Variants in FLT1 observed in about 807,000 individuals in gnomAD.
FLT1 encodes the protein fms related receptor tyrosine kinase 1.
Under a neutral mutation model 156.3 loss-of-function variants are expected in FLT1, and 49 were observed. The ratio of observed to expected loss-of-function variants is 0.31; its 90% CI spans 0.25 to 0.40. FLT1 has a LOEUF of 0.40. Among genes scored for constraint, FLT1 ranks in the 10% least tolerant of loss-of-function variants. The pLI, the probability that FLT1 is intolerant of heterozygous loss-of-function variation, is 1.00. For synonymous variants in FLT1, 594 were observed against 583.8 expected (o/e 1.02, Z -0.25); for missense variants, 1,322 against 1,637.2 (o/e 0.81, Z 3.32).
chr13:28,368,800 G>T, intron 14 of FLT1: 1 of 565,374 alleles, frequency 1.8e-6, no homozygotes, highest in Non-Finnish European at 3.1e-6. Context: ...CACCTTCCGG[G>T]TTCAAGCGAT....
chr13:28,380,219 T>C (rs1874017861), intron 14 of FLT1, among the ~76,000 whole-genome samples: 4 of 152,336 alleles, frequency 2.6e-5, no homozygotes, highest in Non-Finnish European at 5.9e-5. Flanking sequence ...TCCATTTCAG[T>C]TTTGCAACAA....
At chr13:28,313,888 T>TAA (rs779467248) in intron 25 of FLT1, among the ~76,000 whole-genome samples, 1 of 70,600 alleles carries the variant, frequency 1.4e-5, no homozygotes, top group African/African-American at 3.3e-5. Flanking sequence ...TACAGGGAGG[T>TAA]AAAAAAAAAA....
At chr13:28,306,799 C>A in intron 28 of FLT1, 27 bp from the exon 29 acceptor site, 2 of 1,524,386 alleles carry the variant, frequency 1.3e-6, no homozygotes, top group Non-Finnish European at 1.8e-6. Flanking sequence ...AAAGGTTATA[C>A]TCTTGCCTGG....
chr13:28,307,955 G>A (rs1870822539), intron 28 of FLT1, among the ~76,000 whole-genome samples: 1 of 152,170 alleles, frequency 6.6e-6, no homozygotes, highest in Admixed American at 6.5e-5. Context: ...TGTGTTTTTA[G>A]TAGAGACTGG....
intron 15 of FLT1, among the ~76,000 whole-genome samples, chr13:28,347,349 C>G (rs567789074): frequency 6.5e-4 from 98 of 150,960 alleles, no homozygotes; most frequent in Admixed American, 6.1e-3. Flanking sequence ...ATGGTAAAAC[C>G]CTGTCTCTAC....
At chr13:28,388,444 G>T (rs1874502314) in intron 13 of FLT1, 1 of 1,038,310 alleles carries the variant, frequency 9.6e-7, no homozygotes, top group Non-Finnish European at 1.2e-6. Context: ...TGGCTATTTT[G>T]GTCATTATAG....
chr13:28,407,804 G>A (rs1312493365), intron 10 of FLT1, among the ~76,000 whole-genome samples: 1 of 152,094 alleles, frequency 6.6e-6, no homozygotes, highest in African/African-American at 2.4e-5. Flanking sequence ...CTGAGCCAAA[G>A]AGAAATTATG....
intron 13 of FLT1, chr13:28,387,035 A>T (rs2137453491): frequency 9.6e-7 from 1 of 1,038,146 alleles, no homozygotes; most frequent in Admixed American, 5.6e-5. Context: ...CACAGACACG[A>T]TTTGGACTCC....
intron 15 of FLT1, 100 bp downstream of exon 15, chr13:28,357,454 G>A (rs1872940445): frequency 8.1e-7 from 1 of 1,231,670 alleles, no homozygotes; most frequent in African/African-American, 1.5e-5. Flanking sequence ...GAAAGGAACA[G>A]ACTGGAGCAG....
intron 11 of FLT1, among the ~76,000 whole-genome samples, chr13:28,404,549 A>G (rs1005164675): frequency 6.6e-5 from 10 of 152,234 alleles, no homozygotes; most frequent in Admixed American, 2.0e-4. Flanking sequence ...TACATGAGGA[A>G]CGATGCCATC....
chr13:28,453,403 G>A (rs117146332), intron 3 of FLT1, among the ~76,000 whole-genome samples: 9,353 of 152,120 alleles, frequency 0.061, 430 homozygotes, highest in Admixed American at 0.12. Context: ...GACTACAGGC[G>A]TAAGCCACCA....
chr13:28,393,029 G>A (rs994286268), intron 12 of FLT1, among the ~76,000 whole-genome samples: 2 of 151,732 alleles, frequency 1.3e-5, no homozygotes, highest in Non-Finnish European at 2.9e-5. Flanking sequence ...TACAAAAACA[G>A]ACCCAAGAAA....
intron 7 of FLT1, among the ~76,000 whole-genome samples, chr13:28,430,887 T>C (rs2137546101): frequency 6.6e-6 from 1 of 152,344 alleles, no homozygotes; most frequent in South Asian, 2.1e-4. Flanking sequence ...TATATTAGGT[T>C]CTAACCGAAT....
chr13:28,396,784 C>T (rs749017794), intron 12 of FLT1, 176 bp downstream of exon 12: 44 of 696,672 alleles, frequency 6.3e-5, no homozygotes, highest in African/African-American at 3.3e-4. Context: ...TAACTCCTTA[C>T]GAGATCCGAT....
At chr13:28,445,380 G>T (rs1445007066) in intron 3 of FLT1, among the ~76,000 whole-genome samples, 3 of 152,184 alleles carry the variant, frequency 2.0e-5, no homozygotes, top group South Asian at 2.1e-4. Context: ...GGAGGCTAAG[G>T]CAGGAGAATC....
intron 14 of FLT1, among the ~76,000 whole-genome samples, chr13:28,374,623 T>C (rs1873764011): frequency 6.6e-6 from 1 of 151,824 alleles, no homozygotes. Flanking sequence ...GCCATTCTCC[T>C]GCCTCAGCCT....
chr13:28,479,192 G>A (rs1247755655), intron 1 of FLT1, among the ~76,000 whole-genome samples: 1 of 152,170 alleles, frequency 6.6e-6, no homozygotes, highest in Non-Finnish European at 1.5e-5. Context: ...AAATGGCCAA[G>A]AGTGTGCAAT....
Position 28,434,200 on chromosome 13 carries a change from G to A in FLT1, c.534C>T (p.Ile178=). ...TLKKFPLDTL[I]PDGKRIIWDS... Reference sequence around the variant, plus strand: ...CCCAGATTATGCGTTTTCCATCAGGGATCAAAGTGTCAAGTGGAAACTGAA... The same window carrying A: ...CCCAGATTATGCGTTTTCCATCAGGAATCAAAGTGTCAAGTGGAAACTGAA... The change falls in exon 5 of 30, where the codon ATC becomes ATT. Residue 178 remains isoleucine (I), a synonymous_variant. Transcript: ENST00000282397. 6.2e-7 allele frequency: 1 copy of A among 1,614,026 alleles called. No homozygotes were observed. Among genetic ancestry groups the A allele is most frequent in the Non-Finnish European group, 8.5e-7 (1 of 1,179,994 alleles).
intron 11 of FLT1, among the ~76,000 whole-genome samples, chr13:28,404,054 A>AAAGAAAG (rs1555235423): frequency 8.6e-5 from 13 of 151,372 alleles, no homozygotes; most frequent in Non-Finnish European, 1.8e-4. Flanking sequence ...AAAAAAAAAA[A>AAAGAAAG]AAAGAAAGAA....
Sources: gnomAD v4.1 joint callset for allele counts (sites outside exome capture counted in the v4.1 genomes callset) on GRCh38, gnomAD v4.1.1 for gene constraint, MANE v1.5 for transcripts, NCBI Gene and HGNC (gene_info 2026-07-23, HGNC 2026-07-21) for gene names.